HDGF: variants seen among roughly 807,000 people sequenced by gnomAD.
HDGF encodes heparin binding growth factor.
In HDGF, 5 loss-of-function variants were observed where a neutral mutation model predicts 30.0. The observed-to-expected ratio is 0.17, with a 90% CI of 0.09 to 0.35. HDGF has a LOEUF of 0.35. Ranked by LOEUF, HDGF falls within the 10% of genes least tolerant of loss-of-function variation. HDGF has a pLI of 1.00. For synonymous variants in HDGF, 133 were observed against 112.7 expected (o/e 1.18, Z -1.14); for missense variants, 214 against 302.8 (o/e 0.71, Z 2.18).
chr1:156,764,193 C>T (rs1012543942), intron 1 of HDGF, among the ~76,000 whole-genome samples: 1 of 151,992 alleles, frequency 6.6e-6, no homozygotes, highest in Admixed American at 6.6e-5. Context: ...GCTGGGATTA[C>T]AGGCGTGAGC....
At chr1:156,759,054 GA>G (rs1651200172) in exon 2 of HDGF, 1 of 152,200 alleles carries the variant, frequency 6.6e-6, no homozygotes, top group South Asian at 2.1e-4. Context: ...CTCTTTCCAA[GA>G]ATTATGGTGA....
chr1:156,747,632 C>T lies in HDGF; in HGVS notation c.88-2259G>A, dbSNP rs542761935. ...CTTTCTTCTGTGGATCTGTGTGCACCCAGAACCAGGGGTGGGGGTGGGGAC... is the reference window on the plus strand; with the variant it reads ...CTTTCTTCTGTGGATCTGTGTGCACTCAGAACCAGGGGTGGGGGTGGGGAC... On this transcript the variant is annotated intron_variant, in intron 1 of 5. Coordinates refer to ENST00000357325, the MANE Select transcript of HDGF (RefSeq NM_004494.3). 9.2e-5 allele frequency among the ~76,000 whole-genome samples: 14 copies of T among 151,998 alleles called. No individual in the cohort carries two copies. In the East Asian group the frequency reaches 2.7e-3, roughly 29 times the overall value.
At chr1:156,757,813 G>A (rs1324770186) in intron 2 of HDGF, among the ~76,000 whole-genome samples, 1 of 150,980 alleles carries the variant, frequency 6.6e-6, no homozygotes, top group Admixed American at 6.6e-5. Context: ...AGTTCAATTT[G>A]ACTAAAATTA....
intron 1 of HDGF, among the ~76,000 whole-genome samples, chr1:156,765,966 A>G (rs1228379711): frequency 6.6e-6 from 1 of 152,174 alleles, no homozygotes; most frequent in Non-Finnish European, 1.5e-5. Flanking sequence ...CTGGTTTGCA[A>G]CTAACTGAGT....
chr1:156,744,780 T>C (rs965544926), intron 3 of HDGF, among the ~76,000 whole-genome samples: 15 of 152,172 alleles, frequency 9.9e-5, no homozygotes, highest in Non-Finnish European at 1.9e-4. Flanking sequence ...CTCCATCCTG[T>C]TCTTGCCCCC....
intron 1 of HDGF, among the ~76,000 whole-genome samples, chr1:156,766,303 C>G (rs1030927594): frequency 6.6e-6 from 1 of 152,164 alleles, no homozygotes; most frequent in Non-Finnish European, 1.5e-5. Flanking sequence ...TCAGCCTCCT[C>G]CCAAAACCTC....
rs1553251114 is a variant in HDGF at position 156,758,598 on chromosome 1, A to AT, written n.373+384_373+385insA. Among the ~76,000 whole-genome samples the AT allele has an allele frequency of 0.024, 635 of 26,370 alleles. 78 individuals carry two copies. The South Asian group carries it at 0.35, about 14-fold the overall frequency. The allele number at this position is 26,370 out of a possible 152,430, so 17.3% of individuals were successfully genotyped here. Reference sequence around the variant, plus strand: ...ACAGAGCGAGACTCCGTCTCAAAAAAAAAAATAAATAAATAAATAAATAAA... The same window carrying AT: ...ACAGAGCGAGACTCCGTCTCAAAAAATAAAAATAAATAAATAAATAAATAAA... On this transcript the variant is annotated intron_variant and non_coding_transcript_variant, in intron 2 of 7. Transcript: ENST00000465180.
intron 1 of HDGF, among the ~76,000 whole-genome samples, chr1:156,760,195 T>C (rs987331318): frequency 4.6e-5 from 7 of 152,162 alleles, no homozygotes; most frequent in Non-Finnish European, 7.3e-5. Context: ...ATTAAAGTAA[T>C]GTAATGTGGG....
intron 3 of HDGF, chr1:156,744,617 T>G: frequency 7.4e-7 from 1 of 1,351,392 alleles, no homozygotes; most frequent in South Asian, 1.4e-5. Context: ...CAAAGGGAGC[T>G]AGGACCCTTT....
intron 1 of HDGF, among the ~76,000 whole-genome samples, chr1:156,763,450 G>T (rs771020252): frequency 8.6e-5 from 13 of 151,738 alleles, no homozygotes; most frequent in Non-Finnish European, 1.9e-4. Context: ...TCTTGACCTT[G>T]GGATCCACCC....
Position 156,758,608 on chromosome 1 carries a change from T to TAAATAAATAA in HDGF, n.373+365_373+374dup, listed in dbSNP as rs774936141. On this transcript the variant is annotated intron_variant and non_coding_transcript_variant, in intron 2 of 7. Coordinates refer to the HDGF transcript ENST00000465180. Reference sequence around the variant, plus strand: ...ACTCCGTCTCAAAAAAAAAAATAAATAAATAAATAAATAAAAAAAATTAGC... The same window carrying TAAATAAATAA: ...ACTCCGTCTCAAAAAAAAAAATAAATAAATAAATAAAAATAAATAAATAAAAAAAATTAGC... 1.2e-3 allele frequency among the ~76,000 whole-genome samples: 114 copies of TAAATAAATAA among 92,040 alleles called. 9 individuals are homozygous for TAAATAAATAA. The highest frequency in any genetic ancestry group is 2.0e-3 in the Non-Finnish European group (92 of 45,050). The allele number at this position is 92,040 out of a possible 152,430, so 60.4% of individuals were successfully genotyped here.
intron 1 of HDGF, among the ~76,000 whole-genome samples, chr1:156,748,365 C>T (rs1650737025): frequency 6.6e-6 from 1 of 152,192 alleles, no homozygotes; most frequent in African/African-American, 2.4e-5. Flanking sequence ...CCAATACAGA[C>T]ATCTGTCTTC....
upstream of HDGF, among the ~76,000 whole-genome samples, chr1:156,753,489 G>A (rs549697913): frequency 6.6e-6 from 1 of 152,348 alleles, no homozygotes; most frequent in South Asian, 2.1e-4. Flanking sequence ...AGTTCTTGAA[G>A]ATGTTTCAAG....
Position 156,744,250 on chromosome 1 carries a change from G to A in HDGF, c.402C>T (p.Asp134=), listed in dbSNP as rs759587938. ...CATCAATGACCAGCTTCCCTTCCTC[G>A]TCGCTGCTGCCCTCTGCATTCCCCT... ...DKKGNAEGSS[D]EEGKLVIDEP... Residue 134 remains aspartate, a synonymous_variant, in exon 4 of 6, where the codon GAC becomes GAT. Coordinates refer to ENST00000357325, the MANE Select transcript of HDGF (RefSeq NM_004494.3). 3.7e-5 allele frequency: 60 copies of A among 1,613,880 alleles called. 1 individual carries two copies. Among genetic ancestry groups the A allele is most frequent in the Admixed American group, 3.7e-4 (22 of 59,982 alleles).
At position 156,743,794 on chromosome 1, in the gene HDGF, G is replaced by C; in HGVS notation, c.574C>G (p.Pro192Ala). The change falls in exon 5 of 6, where the codon CCT becomes GCT. Residue 192 changes from proline to alanine, a missense_variant. By Grantham distance (27) the Pro-to-Ala change is conservative. Around this residue, in one of 2 missense-constraint regions of HDGF, gnomAD observed 176 missense variants for 211.7 expected, o/e 0.83. Coordinates refer to ENST00000357325, the MANE Select transcript of HDGF (RefSeq NM_004494.3). ...AATLEVERPL[P>A]MEVEKNSTPS... ...GTGCTATTCTTTTCCACCTCCATAG[G>C]AAGGGGCCTCTCAACCTCCAAGGTG... 6.2e-7 allele frequency: 1 copy of C among 1,608,552 alleles called. No individual in the cohort carries two copies. Among genetic ancestry groups the C allele is most frequent in the Non-Finnish European group, 8.5e-7 (1 of 1,177,284 alleles).
chr1:156,751,293 T>C lies in HDGF; in HGVS notation c.87+50A>G, dbSNP rs1337726338. ...AGCGCTCGTGCCCTTCCCGGTGTTA[T>C]GCAACCCAAGCCCGCAGGGGGTTAG... On this transcript the variant is annotated intron_variant, in intron 1 of 5. Transcript: ENST00000357325. This position sits in a 1 kb window ranked among gnomAD's most constrained non-coding sequence, Gnocchi z 4.7. 3 of 1,583,916 alleles carry C rather than the reference T, an allele frequency of 1.9e-6. No individual in the cohort carries two copies. Among genetic ancestry groups the C allele is most frequent in the East Asian group, 4.7e-5 (2 of 42,452 alleles).
At chr1:156,758,644 G>T (rs1277996313) in intron 2 of HDGF, among the ~76,000 whole-genome samples, 1 of 140,178 alleles carries the variant, frequency 7.1e-6, no homozygotes, top group African/African-American at 2.7e-5. Context: ...CGGGTGTGGT[G>T]GTGGGTGCCT....
At chr1:156,753,009 C>T (rs1305149128), upstream of HDGF, among the ~76,000 whole-genome samples, 1 of 152,216 alleles carries the variant, frequency 6.6e-6, no homozygotes, top group Non-Finnish European at 1.5e-5. Flanking sequence ...GGACAACCTC[C>T]TGAACTCTAA....
chr1:156,760,215 A>G (rs942743734), intron 1 of HDGF, among the ~76,000 whole-genome samples: 2 of 152,184 alleles, frequency 1.3e-5, no homozygotes, highest in South Asian at 2.1e-4. Flanking sequence ...GGCCAGAGTC[A>G]GGCCAACAGA....
Sources: allele counts gnomAD v4.1 joint callset (sites outside exome capture counted in the v4.1 genomes callset), GRCh38; gene constraint gnomAD v4.1.1; regional missense constraint gnomAD v4.1.1; non-coding constraint Gnocchi (gnomAD v3.1); transcripts MANE v1.5; gene names NCBI Gene and HGNC (gene_info 2026-07-23, HGNC 2026-07-21).